DYSF: variants seen among roughly 807,000 people sequenced by gnomAD.
The protein encoded by DYSF is dystrophy-associated fer-1-like 1.
Under a neutral mutation model 274.9 loss-of-function variants are expected in DYSF, and 212 were observed. The observed-to-expected ratio is 0.77, with a 90% CI of 0.69 to 0.86. The LOEUF (loss-of-function observed/expected upper bound fraction) is 0.86. DYSF is among the 40% of genes least tolerant of loss of function. The pLI is 0.00. For missense variants in DYSF, 2,666 were observed against 2,783.2 expected, an observed-to-expected ratio of 0.96 and a Z score of 0.95; for synonymous variants, 1,091 against 1,078.7, an observed-to-expected ratio of 1.01 and a Z score of -0.22.
chr2:71,629,510 C>T (rs1447397655), intron 41 of DYSF, among the ~76,000 whole-genome samples: 1 of 152,158 alleles, frequency 6.6e-6, no homozygotes, highest in East Asian at 1.9e-4. Flanking sequence ...GGAACTTTAT[C>T]TGAGAATTCT....
intron 32 of DYSF, among the ~76,000 whole-genome samples, chr2:71,593,237 A>G (rs1262336634): frequency 7.0e-6 from 1 of 143,192 alleles, no homozygotes; most frequent in South Asian, 2.2e-4. Context: ...GGTTCAAGTG[A>G]TTCTCCAGCC....
chr2:71,674,550 G>A (rs2095187246), intron 52 of DYSF, among the ~76,000 whole-genome samples: 1 of 152,230 alleles, frequency 6.6e-6, no homozygotes, highest in South Asian at 2.1e-4. Flanking sequence ...GGCCATGTTG[G>A]ATGATGGGAC....
intron 54 of DYSF, 115 bp from the exon 55 acceptor site, chr2:71,682,415 G>C (rs2095307463): frequency 4.5e-6 from 6 of 1,337,234 alleles, no homozygotes; most frequent in Non-Finnish European, 6.4e-6. Flanking sequence ...GCCTGGGCAG[G>C]CGCTGGGGGT....
At chr2:71,484,034 G>A (rs999300373) in intron 3 of DYSF, among the ~76,000 whole-genome samples, 1 of 149,120 alleles carries the variant, frequency 6.7e-6, no homozygotes, top group African/African-American at 2.5e-5. Context: ...AGGCTCTGTG[G>A]GGAGATTTCC....
chr2:71,617,738 GT>G (rs2093926121), intron 40 of DYSF, among the ~76,000 whole-genome samples: 1 of 147,900 alleles, frequency 6.8e-6, no homozygotes, highest in Non-Finnish European at 1.5e-5. Flanking sequence ...TAGAGGTGGT[GT>G]GTGTGTATGT....
At chr2:71,536,076 A>G (rs1250376100) in intron 16 of DYSF, among the ~76,000 whole-genome samples, 2 of 152,160 alleles carry the variant, frequency 1.3e-5, no homozygotes, top group African/African-American at 2.4e-5. Context: ...CCACTAGTCC[A>G]TGCCACCTCC....
chr2:71,642,810 A>G (rs951157160), intron 41 of DYSF, among the ~76,000 whole-genome samples: 6 of 152,198 alleles, frequency 3.9e-5, no homozygotes, highest in African/African-American at 1.4e-4. Flanking sequence ...GTTTGCCTTT[A>G]GTAAGCTGGA....
intron 11 of DYSF, 118 bp from the exon 12 acceptor site, chr2:71,520,671 C>T: frequency 1.2e-6 from 1 of 843,542 alleles, no homozygotes; most frequent in Non-Finnish European, 2.1e-6. Flanking sequence ...GTCCTGAGCT[C>T]ATGGCCCAGC....
intron 33 of DYSF, among the ~76,000 whole-genome samples, chr2:71,599,763 TG>T (rs2093500172): frequency 6.6e-6 from 1 of 152,120 alleles, no homozygotes; most frequent in Non-Finnish European, 1.5e-5. Context: ...CAGTAAGAGT[TG>T]CCCTGACCAG....
Position 71,553,027 on chromosome 2 carries a change from G to T in DYSF, c.1823G>T (p.Arg608Leu). The T allele has an allele frequency of 1.2e-6, 2 of 1,614,150 alleles. No individual in the cohort carries two copies. Among genetic ancestry groups the T allele is most frequent in the Non-Finnish European group, 8.5e-7 (1 of 1,180,038 alleles). ...ILRVEKYLRR[R>L]KYSLFAAFYS... ...TGCTCTCAGAAGTACCTTAGGAGGC[G>T]CAAGTACTCCCTGTTTGCGGCCTTC... Residue 608 changes from arginine (R) to leucine (L), a missense_variant, in exon 20 of 56, where the codon CGC becomes CTC. Arg to Leu is a moderately radical substitution (Grantham distance 102). Transcript: ENST00000410020.
At chr2:71,584,657 C>G (rs1256825801) in intron 30 of DYSF, among the ~76,000 whole-genome samples, 1 of 152,108 alleles carries the variant, frequency 6.6e-6, no homozygotes, top group African/African-American at 2.4e-5. Flanking sequence ...CATTGGACGC[C>G]CACTACATGC....
At chr2:71,623,687 A>T (rs950043186) in intron 41 of DYSF, among the ~76,000 whole-genome samples, 2 of 152,168 alleles carry the variant, frequency 1.3e-5, no homozygotes, top group African/African-American at 4.8e-5. Context: ...GCAAAAAAAA[A>T]ATCTGAGTGT....
At position 71,682,617 on chromosome 2, in the gene DYSF, C is replaced by T. The variant is rs1273027581; in HGVS notation, c.6261C>T (p.Ile2087=). ...GGCGGCGTTTCCGGTGGGCCATCAT[C>T]CTCTTCATCATCCTCTTCATCCTGC... ...ILWRRFRWAI[I]LFIILFILLL... The change falls in exon 55 of 56, where the codon ATC becomes ATT. Residue 2087 remains isoleucine (I), a synonymous_variant. Coordinates refer to ENST00000410020, the MANE Select transcript of DYSF (RefSeq NM_001130987.2). 1 of 1,613,850 alleles carries T rather than the reference C, an allele frequency of 6.2e-7. No homozygotes were observed. Among genetic ancestry groups the T allele is most frequent in the South Asian group, 1.1e-5 (1 of 91,064 alleles).
At chr2:71,663,739 C>T (rs1287776546) in intron 45 of DYSF, among the ~76,000 whole-genome samples, 1 of 152,186 alleles carries the variant, frequency 6.6e-6, no homozygotes, top group East Asian at 1.9e-4. Context: ...CATCCCATCC[C>T]AGAAGTGGAT....
At chr2:71,490,942 G>A (rs528563208) in intron 3 of DYSF, among the ~76,000 whole-genome samples, 2 of 152,138 alleles carry the variant, frequency 1.3e-5, no homozygotes, top group Non-Finnish European at 2.9e-5. Context: ...ATGTTCTTAT[G>A]CTATTTTTTT....
At chr2:71,635,017 TC>T (rs2094375711) in intron 41 of DYSF, among the ~76,000 whole-genome samples, 1 of 152,198 alleles carries the variant, frequency 6.6e-6, no homozygotes, top group Admixed American at 6.5e-5. Flanking sequence ...AGGCTCTGTC[TC>T]CCATGACACC....
At chr2:71,466,555 G>C (rs995636471), upstream of DYSF, 6 of 943,544 alleles carry the variant, frequency 6.4e-6, no homozygotes, top group East Asian at 1.7e-4. Flanking sequence ...CGGAGCTAGG[G>C]ACCAGCACCC....
At chr2:71,644,687 ATATAAT>A (rs2094540712) in intron 42 of DYSF, among the ~76,000 whole-genome samples, 1 of 152,250 alleles carries the variant, frequency 6.6e-6, no homozygotes, top group African/African-American at 2.4e-5. Flanking sequence ...AATTATACAA[ATATAAT>A]TATGCTTTGA....
intron 32 of DYSF, among the ~76,000 whole-genome samples, chr2:71,592,056 T>C (rs1237295921): frequency 6.6e-6 from 1 of 152,244 alleles, no homozygotes; most frequent in Admixed American, 6.5e-5. Flanking sequence ...AAAAAGGACA[T>C]GGACGAGTTT....
Sources: gnomAD v4.1 joint callset for allele counts (sites outside exome capture counted in the v4.1 genomes callset) on GRCh38, gnomAD v4.1.1 for gene constraint, MANE v1.5 for transcripts, NCBI Gene and HGNC (gene_info 2026-07-23, HGNC 2026-07-21) for gene names.